The following KCNIP4 variants were observed in gnomAD, a reference collection of about 807,000 sequenced individuals.
KCNIP4 encodes potassium voltage-gated channel interacting protein 4, also known as Kv channel-interacting protein 4.
Under a neutral mutation model 34.0 loss-of-function variants are expected in KCNIP4, and 12 were observed. The ratio of observed to expected loss-of-function variants is 0.35; its 90% CI spans 0.23 to 0.57. The LOEUF (loss-of-function observed/expected upper bound fraction) is 0.57, where lower values mean the gene tolerates loss of function less well. Ranked by LOEUF, KCNIP4 falls within the 20% of genes least tolerant of loss-of-function variation. The pLI, the probability that KCNIP4 is intolerant of heterozygous loss-of-function variation, is 0.83. For synonymous variants in KCNIP4, 124 were observed against 102.2 expected, an observed-to-expected ratio of 1.21 and a Z score of -1.29; for missense variants, 238 against 311.7, an observed-to-expected ratio of 0.76 and a Z score of 1.78.
intron 2 of KCNIP4, among the ~76,000 whole-genome samples, chr4:20,866,873 C>A (rs1722929555): frequency 6.6e-6 from 1 of 151,970 alleles, no homozygotes; most frequent in African/African-American, 2.4e-5. Context: ...AACGTCCAGG[C>A]TGAAAGTGAA....
chr4:20,963,285 C>G (rs962137273), intron 1 of KCNIP4, among the ~76,000 whole-genome samples: 6 of 151,670 alleles, frequency 4.0e-5, no homozygotes, highest in Admixed American at 6.6e-5. Context: ...CGAAATTGCA[C>G]CACTGCACTC....
At chr4:21,438,889 G>A (rs1023393446) in intron 1 of KCNIP4, among the ~76,000 whole-genome samples, 5 of 152,162 alleles carry the variant, frequency 3.3e-5, no homozygotes, top group African/African-American at 9.7e-5. Flanking sequence ...AGGACGGGGC[G>A]TGGTGGCTCA....
intron 1 of KCNIP4, among the ~76,000 whole-genome samples, chr4:20,945,676 T>G (rs768965412): frequency 6.6e-6 from 1 of 151,992 alleles, no homozygotes; most frequent in Non-Finnish European, 1.5e-5. Context: ...AACCTAATTC[T>G]CAGACTGCTT....
intron 1 of KCNIP4, among the ~76,000 whole-genome samples, chr4:21,173,691 C>T (rs1026383215): frequency 1.1e-4 from 16 of 152,128 alleles, no homozygotes; most frequent in Non-Finnish European, 1.8e-4. Flanking sequence ...AAACCCAAAC[C>T]CGTGACAGTA....
chr4:21,947,131 G>C (rs984923051), intron 1 of KCNIP4, among the ~76,000 whole-genome samples: 2 of 152,156 alleles, frequency 1.3e-5, no homozygotes, highest in East Asian at 3.9e-4. Flanking sequence ...TAATAGGACA[G>C]CGCTAGCCCT....
At chr4:21,516,912 A>G (rs1734814067) in intron 1 of KCNIP4, among the ~76,000 whole-genome samples, 2 of 152,164 alleles carry the variant, frequency 1.3e-5, no homozygotes, top group Non-Finnish European at 2.9e-5. Context: ...CATACACAAT[A>G]TTAGAGACTG....
At chr4:21,540,423 T>C (rs1000021210) in intron 1 of KCNIP4, among the ~76,000 whole-genome samples, 1 of 152,164 alleles carries the variant, frequency 6.6e-6, no homozygotes, top group African/African-American at 2.4e-5. Context: ...ATTGTGAGCA[T>C]GGGTACTTCA....
intron 3 of KCNIP4, among the ~76,000 whole-genome samples, chr4:20,820,619 C>A (rs1165263652): frequency 6.6e-6 from 1 of 152,114 alleles, no homozygotes; most frequent in Non-Finnish European, 1.5e-5. Flanking sequence ...TAGAAGGAAG[C>A]CAGATGCAAT....
intron 1 of KCNIP4, among the ~76,000 whole-genome samples, chr4:21,631,180 T>G (rs1382855712): frequency 2.6e-5 from 4 of 152,122 alleles, no homozygotes; most frequent in Non-Finnish European, 4.4e-5. Flanking sequence ...AGGCATGAAC[T>G]TTGTCATATT....
At chr4:20,884,783 C>T (rs1725102652) in intron 1 of KCNIP4, among the ~76,000 whole-genome samples, 1 of 150,458 alleles carries the variant, frequency 6.6e-6, no homozygotes, top group Admixed American at 6.6e-5. Context: ...TCTCAGTTCA[C>T]TGCAACCTCC....
At chr4:21,858,402 T>C (rs943480761) in intron 1 of KCNIP4, among the ~76,000 whole-genome samples, 4 of 152,252 alleles carry the variant, frequency 2.6e-5, no homozygotes, top group African/African-American at 9.6e-5. Flanking sequence ...AGTGCTTTTC[T>C]TGTCATTTTC....
At chr4:20,737,130 G>C (rs181325006) in intron 5 of KCNIP4, among the ~76,000 whole-genome samples, 1 of 152,306 alleles carries the variant, frequency 6.6e-6, no homozygotes, top group Admixed American at 6.5e-5. Context: ...GGCATGAAGG[G>C]TAGAATGTCA....
chr4:21,042,006 A>C (rs373586282), intron 1 of KCNIP4, among the ~76,000 whole-genome samples: 1 of 152,270 alleles, frequency 6.6e-6, no homozygotes, highest in East Asian at 1.9e-4. Flanking sequence ...GGATTAGGTG[A>C]CCCAGGCATG....
intron 1 of KCNIP4, among the ~76,000 whole-genome samples, chr4:21,507,916 C>T (rs1733981922): frequency 6.6e-6 from 1 of 152,184 alleles, no homozygotes; most frequent in African/African-American, 2.4e-5. Context: ...TTTAAAATTT[C>T]TGCAATTCCT....
chr4:21,083,947 G>T (rs191649083), intron 1 of KCNIP4, among the ~76,000 whole-genome samples: 2 of 151,946 alleles, frequency 1.3e-5, no homozygotes, highest in African/African-American at 4.8e-5. Context: ...TTTTACCTCT[G>T]CACAAATCTA....
chr4:21,212,456 AAGTTATTCATTATCAAGAGGGCTTCGTC>A (rs1757283449), intron 1 of KCNIP4, among the ~76,000 whole-genome samples: 1 of 152,204 alleles, frequency 6.6e-6, no homozygotes, highest in Admixed American at 6.5e-5. Context: ...AGTACAGTGT[AAGTTATTCATTATCAAGAGGGCTTCGTC>A]AGTCCCAAAA....
intron 1 of KCNIP4, among the ~76,000 whole-genome samples, chr4:21,264,846 C>G (rs1761695070): frequency 6.6e-6 from 1 of 151,998 alleles, no homozygotes. Flanking sequence ...ACCTGTAATC[C>G]CAGCAGTTTG....
chr4:21,917,084 T>C lies in KCNIP4; in HGVS notation c.61+31487A>G, dbSNP rs566442259. On this transcript the variant is annotated intron_variant, in intron 1 of 8. Coordinates refer to ENST00000382152, the MANE Select transcript of KCNIP4 (RefSeq NM_025221.6). ...CTTATGTAATCGACTAGTGTGATCA[T>C]GTCATTAATGATAAGAACTAATATT... is the stretch of plus-strand genomic sequence containing the variant. Among the ~76,000 whole-genome samples, 32 of 152,290 alleles carry C rather than the reference T, an allele frequency of 2.1e-4. No individual in the cohort carries two copies. The Middle Eastern group carries it at 0.01, about 49-fold the overall frequency.
At chr4:21,144,153 C>T (rs1752182949) in intron 1 of KCNIP4, among the ~76,000 whole-genome samples, 1 of 152,134 alleles carries the variant, frequency 6.6e-6, no homozygotes, top group African/African-American at 2.4e-5. Flanking sequence ...AATACAACCC[C>T]CTTCTGCCCC....
Sources: allele counts gnomAD v4.1 joint callset (sites outside exome capture counted in the v4.1 genomes callset), GRCh38; gene constraint gnomAD v4.1.1; transcripts MANE v1.5; gene names NCBI Gene and HGNC (gene_info 2026-07-23, HGNC 2026-07-21).